Variants in KY observed in about 807,000 individuals in gnomAD.
The protein encoded by KY is kyphoscoliosis peptidase.
KY carries 43 observed loss-of-function variants against 76.1 expected under a neutral mutation model. The ratio of observed to expected loss-of-function variants is 0.57; its 90% CI spans 0.44 to 0.73. The LOEUF (loss-of-function observed/expected upper bound fraction) is 0.73, where lower values mean the gene tolerates loss of function less well. KY is among the 30% of genes least tolerant of loss of function. KY has a pLI of 0.00. For synonymous variants in KY, 277 were observed against 326.2 expected, an observed-to-expected ratio of 0.85 and a Z score of 1.63; for missense variants, 722 against 828.9, an observed-to-expected ratio of 0.87 and a Z score of 1.58.
chr3:134,614,817 G>A (rs1961218774), intron 8 of KY, among the ~76,000 whole-genome samples: 1 of 152,178 alleles, frequency 6.6e-6, no homozygotes, highest in African/African-American at 2.4e-5. Context: ...CAACAGCTGT[G>A]TGGCTGAAAT....
At chr3:134,623,969 CCAAT>C (rs1963065815) in intron 6 of KY, among the ~76,000 whole-genome samples, 1 of 152,196 alleles carries the variant, frequency 6.6e-6, no homozygotes, top group Non-Finnish European at 1.5e-5. Context: ...CTGATGACTA[CCAAT>C]CAGTGTCTCC....
chr3:134,626,939 A>C (rs77216791), intron 5 of KY, among the ~76,000 whole-genome samples: 3,923 of 152,300 alleles, frequency 0.026, 75 homozygotes, highest in South Asian at 0.053. Flanking sequence ...AAGAGCCATC[A>C]GGGCGATCTA....
rs553263897 is a variant in KY, at chr3:134,618,937, T to C, written c.710+211A>G. On this transcript the variant is annotated intron_variant, in intron 8 of 10. Coordinates refer to ENST00000423778, the MANE Select transcript of KY (RefSeq NM_178554.6). ...TCTGTGCATTCATCTACCATTATGT[T>C]AATGCATCGCGAAGCCCGGCAGATG... Among the ~76,000 whole-genome samples, 29 of 152,302 alleles carry C rather than the reference T, an allele frequency of 1.9e-4. 1 individual carries two copies. The South Asian group carries it at 6.0e-3, about 32-fold the overall frequency.
intron 10 of KY, 63 bp downstream of exon 10, chr3:134,608,586 T>A: frequency 1.2e-6 from 2 of 1,613,314 alleles, no homozygotes; most frequent in Non-Finnish European, 1.7e-6. Flanking sequence ...GGCGGGCTCC[T>A]GGAGGACAGT....
rs376148670 is a variant in KY, at chr3:134,650,856, C to T, written c.105G>A (p.Ala35=). 1.2e-6 allele frequency: 2 copies of T among 1,608,114 alleles called. No homozygotes were observed. The highest frequency in any genetic ancestry group is 1.7e-6 in the Non-Finnish European group (2 of 1,176,904). The change falls in exon 1 of 11, where the codon GCG becomes GCA. Residue 35 remains alanine (A), a synonymous_variant. Transcript: ENST00000423778. The part of the protein sequence containing the change: ...AAQGTLSDQQ[A]NPSSLLQRGG... The stretch of plus-strand genomic sequence containing the variant: ...CGCGCTGCAGCAGCGAGCTCGGGTT[C>T]GCCTGCTGGTCTGAGAGCGTACCCT...
chr3:134,636,494 A>G (rs2107955702), intron 3 of KY, among the ~76,000 whole-genome samples: 1 of 152,342 alleles, frequency 6.6e-6, no homozygotes, highest in South Asian at 2.1e-4. Context: ...CATAACAGCC[A>G]TGTGAATGAG....
In KY at chr3:134,629,662, T is replaced by G. The variant is rs1963961192; in HGVS notation, c.296A>C (p.Asp99Ala). 1.2e-6 allele frequency: 2 copies of G among 1,600,358 alleles called. No homozygotes were observed. Among genetic ancestry groups the G allele is most frequent in the Non-Finnish European group, 1.7e-6 (2 of 1,173,264 alleles). ...CTTCTTGAGCAGCTGGGGCATGGCA[T>G]CTCGAGGGTGGACTTCCACAGTCAG... is the stretch of plus-strand genomic sequence containing the variant. ...TQLTVEVHPRDAMPQLLKKFS... is the reference protein window; with the variant it reads ...TQLTVEVHPRAAMPQLLKKFS... Residue 99 changes from aspartate (D) to alanine (A), a missense_variant, in exon 4 of 11, where the codon GAT becomes GCT. Physicochemically the swap from Asp to Ala is moderately radical, Grantham distance 126. Transcript: ENST00000423778.
intron 3 of KY, among the ~76,000 whole-genome samples, chr3:134,634,334 T>C (rs1256855634): frequency 2.0e-5 from 3 of 152,104 alleles, no homozygotes; most frequent in Non-Finnish European, 4.4e-5. Flanking sequence ...ACTCCCACTC[T>C]TTGATTTTAA....
chr3:134,607,424 C>A (rs111658377), intron 10 of KY: 1 of 985,650 alleles, frequency 1.0e-6, no homozygotes, highest in African/African-American at 1.7e-5. Context: ...GGCCCACCCA[C>A]AGGCACCCTG....
intron 2 of KY, among the ~76,000 whole-genome samples, chr3:134,643,888 G>A (rs552050955): frequency 2.9e-4 from 44 of 151,186 alleles, no homozygotes; most frequent in African/African-American, 1.0e-3. Flanking sequence ...GTGCAGTGGC[G>A]CGATCTCTGC....
Position 134,643,304 on chromosome 3 carries a change from C to G in KY, c.262+12G>C, listed in dbSNP as rs188212710. The G allele has an allele frequency of 2.0e-5, 32 of 1,613,262 alleles. No homozygotes were observed. Among genetic ancestry groups the G allele is most frequent in the Non-Finnish European group, 2.5e-5 (30 of 1,179,708 alleles). On this transcript the variant is annotated intron_variant, in intron 3 of 10. Coordinates refer to ENST00000423778, the MANE Select transcript of KY (RefSeq NM_178554.6). ...CTGCAGGGGAGGTCACGGCTAGCGGCGAATCACTTACCTTGGCTGTTGTAG... is the reference window on the plus strand; with the variant it reads ...CTGCAGGGGAGGTCACGGCTAGCGGGGAATCACTTACCTTGGCTGTTGTAG...
intron 3 of KY, among the ~76,000 whole-genome samples, chr3:134,634,553 G>A (rs1315839443): frequency 6.6e-6 from 1 of 152,192 alleles, no homozygotes; most frequent in Non-Finnish European, 1.5e-5. Context: ...ATAAGCACAT[G>A]AAAAGATGTT....
In KY at chr3:134,622,965, T is replaced by C. The variant is rs543952157; in HGVS notation, c.483+2088A>G. Among the ~76,000 whole-genome samples the C allele has an allele frequency of 1.8e-4, 27 of 152,322 alleles. 1 individual carries two copies. In the South Asian group the frequency reaches 5.4e-3, roughly 30 times the overall value. ...ACTGGCACTCTGACCTCTGGAGACC[T>C]CTGGACCCCTGTTCTACTCTCTCAG... On this transcript the variant is annotated intron_variant, in intron 6 of 10. Coordinates refer to ENST00000423778, the MANE Select transcript of KY (RefSeq NM_178554.6).
chr3:134,642,115 G>A (rs1965836873), intron 3 of KY, among the ~76,000 whole-genome samples: 3 of 152,202 alleles, frequency 2.0e-5, no homozygotes, highest in Admixed American at 6.5e-5. Context: ...ACACTGGCCT[G>A]TACTGTGAGG....
At chr3:134,627,617 C>T (rs1454620267) in intron 5 of KY, 139 bp downstream of exon 5, 7 of 699,128 alleles carry the variant, frequency 1.0e-5, no homozygotes, top group African/African-American at 3.6e-5. Flanking sequence ...AATCATGACA[C>T]TCTTCCCCTC....
intron 2 of KY, among the ~76,000 whole-genome samples, chr3:134,644,249 C>T (rs1043517126): frequency 2.6e-5 from 4 of 152,214 alleles, no homozygotes; most frequent in Non-Finnish European, 4.4e-5. Flanking sequence ...ACGCTACACA[C>T]GTTCTCTCCA....
intron 5 of KY, among the ~76,000 whole-genome samples, chr3:134,626,722 A>G (rs1190853630): frequency 6.6e-6 from 1 of 152,142 alleles, no homozygotes; most frequent in Non-Finnish European, 1.5e-5. Context: ...ATGGTTTGAG[A>G]GGCAATGCCC....
chr3:134,647,413 T>C, intron 2 of KY, 22 bp downstream of exon 2: 1 of 1,576,330 alleles, frequency 6.3e-7, no homozygotes, highest in Non-Finnish European at 8.7e-7. Context: ...TCCTATAGGT[T>C]GAAAGGAAAA....
rs199592197 is a variant in KY at position 134,610,363 on chromosome 3, A to G, written c.731T>C (p.Met244Thr). The G allele has an allele frequency of 9.5e-5, 153 of 1,612,868 alleles. 2 individuals carry two copies. The East Asian group carries it at 3.4e-3, about 36-fold the overall frequency. ...ACCCTTGGAGTAGCCAGGCACGGTC[A>G]TACACTGCACTCCGGCGAGCCTGGG... Reference protein sequence around the residue: ...RMCRLAGVQCMTVPGYSKGFG... With the variant: ...RMCRLAGVQCTTVPGYSKGFG... The change falls in exon 9 of 11, where the codon ATG becomes ACG. Residue 244 changes from methionine to threonine, a missense_variant. Physicochemically the swap from Met to Thr is moderately conservative, Grantham distance 81 (BLOSUM62 -1). This residue lies in a region of KY where 552 missense variants were observed against 680.9 expected (regional missense o/e 0.81). Transcript: ENST00000423778.
Sources: allele counts gnomAD v4.1 joint callset (sites outside exome capture counted in the v4.1 genomes callset), GRCh38; gene constraint gnomAD v4.1.1; regional missense constraint gnomAD v4.1.1; transcripts MANE v1.5; gene names NCBI Gene and HGNC (gene_info 2026-07-23, HGNC 2026-07-21).